TEX10: variants seen among roughly 807,000 people sequenced by gnomAD.
The protein encoded by TEX10 is testis-expressed protein 10.
In TEX10, 24 loss-of-function variants were observed where a neutral mutation model predicts 104.4. The observed-to-expected ratio is 0.23, with a 90% CI of 0.17 to 0.32. The LOEUF (loss-of-function observed/expected upper bound fraction) is 0.32. Among genes scored for constraint, TEX10 ranks in the 10% least tolerant of loss-of-function variants. The pLI, the probability that TEX10 is intolerant of heterozygous loss-of-function variation, is 1.00. For missense variants in TEX10, 921 were observed against 1,083.9 expected, an observed-to-expected ratio of 0.85 and a Z score of 2.11; for synonymous variants, 396 against 393.4, an observed-to-expected ratio of 1.01 and a Z score of -0.08.
rs1273075503 is a variant in TEX10 at position 100,307,208 on chromosome 9, CAG to C, written c.2465+1290_2465+1291del. ...GCTAAGTTATGGTACATGCATGTAACAGAATACTATAGAGCAGACTGAGCAAA... is the reference window on the plus strand; with the variant it reads ...GCTAAGTTATGGTACATGCATGTAACAATACTATAGAGCAGACTGAGCAAA... On this transcript the variant is annotated intron_variant, in intron 13 of 14. Coordinates refer to ENST00000374902, the MANE Select transcript of TEX10 (RefSeq NM_017746.4). The C allele has an allele frequency of 5.8e-4, 89 of 152,262 alleles. 1 individual carries two copies. The highest frequency in any genetic ancestry group is 2.0e-3 in the African/African-American group (84 of 41,566). The allele number at this position is 152,262 out of a possible 1,614,324, so 9.4% of individuals were successfully genotyped here. A position where few individuals can be genotyped will look rare whatever the true frequency, so the allele number is the denominator to read the frequency against.
chr9:100,332,483 A>T (rs965106367), intron 5 of TEX10, among the ~76,000 whole-genome samples: 9 of 152,230 alleles, frequency 5.9e-5, no homozygotes, highest in Non-Finnish European at 1.3e-4. Flanking sequence ...CAGATCTCTG[A>T]TGAAACTTTA....
chr9:100,323,538 T>C (rs1243141054), intron 9 of TEX10, among the ~76,000 whole-genome samples: 1 of 152,162 alleles, frequency 6.6e-6, no homozygotes. Flanking sequence ...CTGGATATTA[T>C]TATGAAACAC....
At chr9:100,329,303 T>C in intron 6 of TEX10, 28 bp from the exon 7 acceptor site, 1 of 1,581,146 alleles carries the variant, frequency 6.3e-7, no homozygotes, top group Non-Finnish European at 8.5e-7. Context: ...ACAACTTGCA[T>C]ATGAATCAAA....
At chr9:100,352,464 G>A (rs1397216290) in intron 1 of TEX10, 2 of 1,551,700 alleles carry the variant, frequency 1.3e-6, no homozygotes, top group East Asian at 2.4e-5. Flanking sequence ...AAGGGACGCC[G>A]GCCAGGACCA....
At chr9:100,346,048 A>G (rs370058355) in intron 4 of TEX10, 24 bp downstream of exon 4, 2 of 1,584,438 alleles carry the variant, frequency 1.3e-6, no homozygotes, top group African/African-American at 2.7e-5. Context: ...AATACTAAGA[A>G]AATAAAGAAC....
chr9:100,339,084 T>C (rs7874710), intron 5 of TEX10, among the ~76,000 whole-genome samples: 67,845 of 149,702 alleles, frequency 0.45, 17,039 homozygotes, highest in East Asian at 0.89. Context: ...TGAAACCCTG[T>C]CTCTACTAAA....
chr9:100,319,601 T>G (rs1454453666), intron 11 of TEX10, among the ~76,000 whole-genome samples: 2 of 152,038 alleles, frequency 1.3e-5, no homozygotes, highest in Non-Finnish European at 2.9e-5. Flanking sequence ...GGTCAGGAGT[T>G]CGAGACCAGC....
At chr9:100,344,170 T>C (rs73493667) in intron 4 of TEX10, among the ~76,000 whole-genome samples, 5,815 of 152,290 alleles carry the variant, frequency 0.038, 395 homozygotes, top group African/African-American at 0.13. Context: ...TATTCCTATC[T>C]GAATTTATTT....
At chr9:100,326,861 C>T (rs4742782) in intron 8 of TEX10, among the ~76,000 whole-genome samples, 1 of 151,918 alleles carries the variant, frequency 6.6e-6, no homozygotes, top group African/African-American at 2.4e-5. Flanking sequence ...TATATATATA[C>T]CTACAGATAT....
At chr9:100,338,071 G>A (rs1027477688) in intron 5 of TEX10, among the ~76,000 whole-genome samples, 7 of 152,068 alleles carry the variant, frequency 4.6e-5, no homozygotes, top group African/African-American at 1.7e-4. Context: ...GGGACTCTGC[G>A]ACCCACATTT....
At chr9:100,323,610 AAGGT>A (rs1302191408) in intron 9 of TEX10, among the ~76,000 whole-genome samples, 1 of 152,270 alleles carries the variant, frequency 6.6e-6, no homozygotes, top group Non-Finnish European at 1.5e-5. Flanking sequence ...GGTTGGTAAA[AAGGT>A]AGAGAGAGCA....
At chr9:100,341,719 T>C (rs901882880) in intron 4 of TEX10, among the ~76,000 whole-genome samples, 14 of 152,164 alleles carry the variant, frequency 9.2e-5, no homozygotes, top group African/African-American at 2.4e-4. Context: ...GCCAGGGTGA[T>C]CTTTTAAAAC....
chr9:100,318,752 C>T (rs1834487706), intron 11 of TEX10, among the ~76,000 whole-genome samples: 1 of 152,190 alleles, frequency 6.6e-6, no homozygotes, highest in Admixed American at 6.5e-5. Flanking sequence ...AAAAGATCAG[C>T]CTTATAATTC....
intron 5 of TEX10, among the ~76,000 whole-genome samples, chr9:100,334,426 CGA>C (rs1834955115): frequency 6.6e-6 from 1 of 151,828 alleles, no homozygotes; most frequent in Non-Finnish European, 1.5e-5. Flanking sequence ...TTCAGAAATG[CGA>C]GAGAAATACA....
Position 100,346,982 on chromosome 9 carries a change from CTATT to C in TEX10, c.601_604del (p.Asn201GlufsTer11). 6.2e-7 allele frequency: 1 copy of C among 1,614,204 alleles called. No homozygotes were observed. The highest frequency in any genetic ancestry group is 8.5e-7 in the Non-Finnish European group (1 of 1,180,026). ...AAGTATCCAGGACTGGGATCTGTCT[CTATT>C]TATCAGTCCTTTGGACAGCTGCTGA... On this transcript the variant is annotated frameshift_variant, in exon 3 of 15. Transcript: ENST00000374902. LOFTEE classifies it high-confidence loss of function.
At chr9:100,329,058 A>C in intron 7 of TEX10, 82 bp downstream of exon 7, 1 of 1,356,062 alleles carries the variant, frequency 7.4e-7, no homozygotes. Context: ...CAAAGATTTA[A>C]TCTCTCTAAA....
At chr9:100,349,044 T>A in intron 2 of TEX10, 140 bp downstream of exon 2, 1 of 598,392 alleles carries the variant, frequency 1.7e-6, no homozygotes, top group Non-Finnish European at 2.5e-6. Flanking sequence ...GGGTAAAAGA[T>A]AAACTCCAAA....
At chr9:100,322,708 T>G (rs1313962490) in intron 9 of TEX10, among the ~76,000 whole-genome samples, 1 of 152,062 alleles carries the variant, frequency 6.6e-6, no homozygotes, top group Non-Finnish European at 1.5e-5. Flanking sequence ...CTCCACCTCC[T>G]GGGTTCAAAC....
intron 6 of TEX10, 40 bp downstream of exon 6, chr9:100,329,891 G>A: frequency 6.6e-7 from 1 of 1,505,308 alleles, no homozygotes; most frequent in Non-Finnish European, 9.1e-7. Context: ...GCACATGTAA[G>A]AGCTCCACTC....
Sources: allele counts gnomAD v4.1 joint callset (sites outside exome capture counted in the v4.1 genomes callset), GRCh38; gene constraint gnomAD v4.1.1; transcripts MANE v1.5; gene names NCBI Gene and HGNC (gene_info 2026-07-23, HGNC 2026-07-21).